The following IL1RAPL2 variants were observed in gnomAD, a reference collection of about 807,000 sequenced individuals.
The protein encoded by IL1RAPL2 is X-linked interleukin-1 receptor accessory protein-like 2.
A neutral mutation model predicts 44.1 loss-of-function variants in IL1RAPL2; 3 were observed. The ratio of observed to expected loss-of-function variants is 0.07; its 90% CI spans 0.03 to 0.18. The LOEUF is 0.18. IL1RAPL2 is among the 10% of genes least tolerant of loss of function. IL1RAPL2 has a pLI of 1.00. For missense variants in IL1RAPL2, 391 were observed against 496.4 expected (o/e 0.79, Z 2.02); for synonymous variants, 181 against 178.8 (o/e 1.01, Z -0.10).
chrX:104,766,763 T>G (rs965540078), intron 2 of IL1RAPL2, among the ~76,000 whole-genome samples: 2 of 112,338 alleles, frequency 1.8e-5, no homozygotes, highest in Non-Finnish European at 3.8e-5. Context: ...TACTGTGCTA[T>G]TAACTACCAA....
At chrX:104,890,739 T>G (rs1923405840) in intron 2 of IL1RAPL2, among the ~76,000 whole-genome samples, 1 of 112,049 alleles carries the variant, frequency 8.9e-6, no homozygotes, top group Admixed American at 9.5e-5. Context: ...TTTATTCCAT[T>G]CTATAGGTTG....
chrX:105,013,483 C>T (rs1265177694), intron 2 of IL1RAPL2, among the ~76,000 whole-genome samples: 1 of 110,031 alleles, frequency 9.1e-6, no homozygotes, highest in Non-Finnish European at 1.9e-5. Context: ...GGTCTTCATA[C>T]TTTCTGCCTA....
chrX:104,620,669 A>AAAG (rs1929374994), intron 1 of IL1RAPL2, among the ~76,000 whole-genome samples: 1 of 102,388 alleles, frequency 9.8e-6, no homozygotes, highest in East Asian at 3.0e-4. Context: ...AAAAAAAAAA[A>AAAG]AGAGATGGTA....
rs36050333 is a variant in IL1RAPL2 at position 104,604,633 on chromosome X, C to CAAAA, written c.-20+37601_-20+37604dup. On this transcript the variant is annotated intron_variant, in intron 1 of 10. Coordinates refer to ENST00000372582, the MANE Select transcript of IL1RAPL2 (RefSeq NM_017416.2). ...GAATATTTACTGAGGAAATGCATAG[C>CAAAA]AAAAAAAAAAAAAAAAAAAAAAGCA... Among the ~76,000 whole-genome samples the CAAAA allele has an allele frequency of 4.1e-3, 128 of 31,025 alleles. 6 individuals are homozygous for CAAAA. The highest frequency in any genetic ancestry group is 0.029 in the Middle Eastern group (1 of 35). 26.9% of individuals were successfully genotyped at this position (31,025 alleles called of 115,157 possible).
At chrX:104,983,372 A>C (rs1300761299) in intron 2 of IL1RAPL2, among the ~76,000 whole-genome samples, 4 of 101,400 alleles carry the variant, frequency 3.9e-5, no homozygotes, top group Non-Finnish European at 3.9e-5. Context: ...TGCTCTCTCT[A>C]TATATAGAAT....
At chrX:105,345,585 A>G (rs2035104852) in intron 5 of IL1RAPL2, among the ~76,000 whole-genome samples, 2 of 111,155 alleles carry the variant, frequency 1.8e-5, no homozygotes, top group Admixed American at 9.6e-5. Context: ...CAGAGACTCA[A>G]TAGCCTATGT....
At chrX:105,256,080 TG>T (rs898889507) in intron 4 of IL1RAPL2, among the ~76,000 whole-genome samples, 14 of 111,706 alleles carry the variant, frequency 1.3e-4, no homozygotes, top group African/African-American at 4.6e-4. Context: ...ATTTCTGCAT[TG>T]AAGTACATCA....
chrX:105,352,431 C>G (rs971465218), intron 5 of IL1RAPL2, among the ~76,000 whole-genome samples: 10 of 111,905 alleles, frequency 8.9e-5, no homozygotes, highest in Admixed American at 3.8e-4. Flanking sequence ...ACTTAAATCC[C>G]AGTATGCATT....
chrX:105,111,619 A>C lies in IL1RAPL2; in HGVS notation c.83-83856A>C, dbSNP rs771604539. Among the ~76,000 whole-genome samples the C allele has an allele frequency of 4.5e-5, 5 of 112,114 alleles. No individual in the cohort carries two copies. The East Asian group carries it at 1.4e-3, about 31-fold the overall frequency. On this transcript the variant is annotated intron_variant, in intron 2 of 10. Transcript: ENST00000372582. ...GACAACAATTCCTCCAGATAAGTTA[A>C]TTATCTGCATTAAAGAATGCCTCAT...
chrX:105,307,176 A>G lies in IL1RAPL2; in HGVS notation c.697+39635A>G, dbSNP rs145743749. Among the ~76,000 whole-genome samples, 464 of 107,618 alleles carry G rather than the reference A, an allele frequency of 4.3e-3. 1 individual carries two copies. Among genetic ancestry groups the G allele is most frequent in the Non-Finnish European group, 7.2e-3 (377 of 52,328 alleles). 93.5% of individuals were successfully genotyped at this position (107,618 alleles called of 115,157 possible). ...CATAATCCAATCACTTCCCTCCCTC[A>G]ACACGTGAGGATTACAATTGTCAAT... On this transcript the variant is annotated intron_variant, in intron 5 of 10. Transcript: ENST00000372582.
intron 2 of IL1RAPL2, among the ~76,000 whole-genome samples, chrX:105,038,954 A>G (rs773186359): frequency 8.1e-4 from 91 of 111,719 alleles, no homozygotes; most frequent in African/African-American, 2.8e-3. Flanking sequence ...GAGAGGACAG[A>G]CAGGTAGTTT....
rs1197765799 is a variant in IL1RAPL2 at position 104,961,068 on chromosome X, A to AT, written c.83-234405dup. Among the ~76,000 whole-genome samples, 3 of 111,787 alleles carry AT rather than the reference A, an allele frequency of 2.7e-5. No homozygotes were observed. In the East Asian group the frequency reaches 8.4e-4, roughly 31 times the overall value. On this transcript the variant is annotated intron_variant, in intron 2 of 10. Coordinates refer to ENST00000372582, the MANE Select transcript of IL1RAPL2 (RefSeq NM_017416.2). ...AAAGGGTGTTGCTCTACAGTAACAG[A>AT]TTAAAAAAAAAGATAATTGGATGAC...
intron 2 of IL1RAPL2, among the ~76,000 whole-genome samples, chrX:104,855,460 G>A (rs1213960744): frequency 9.0e-6 from 1 of 110,876 alleles, no homozygotes; most frequent in Non-Finnish European, 1.9e-5. Context: ...ATTCAAACTG[G>A]GGGAAGCTAG....
intron 6 of IL1RAPL2, among the ~76,000 whole-genome samples, chrX:105,623,117 C>T (rs1646760061): frequency 9.0e-6 from 1 of 110,702 alleles, no homozygotes; most frequent in Non-Finnish European, 1.9e-5. Context: ...TTCTATGTGT[C>T]TTACACATAT....
intron 2 of IL1RAPL2, among the ~76,000 whole-genome samples, chrX:105,106,110 TTTC>T (rs1376871202): frequency 1.8e-5 from 2 of 112,066 alleles, no homozygotes; most frequent in Non-Finnish European, 3.8e-5. Context: ...GTCCCATGAT[TTTC>T]TTCTTAAAAT....
intron 5 of IL1RAPL2, among the ~76,000 whole-genome samples, chrX:105,336,541 G>T (rs1265698042): frequency 8.9e-6 from 1 of 111,964 alleles, no homozygotes; most frequent in Admixed American, 9.5e-5. Flanking sequence ...TGTAGCCTTT[G>T]CTTTCTCTTA....
At chrX:105,357,203 A>G (rs1408357730) in intron 5 of IL1RAPL2, among the ~76,000 whole-genome samples, 1 of 111,300 alleles carries the variant, frequency 9.0e-6, no homozygotes, top group Non-Finnish European at 1.9e-5. Flanking sequence ...ATAAAAAGGA[A>G]ATCATCTCAT....
At chrX:104,784,692 T>A (rs760779712) in intron 2 of IL1RAPL2, among the ~76,000 whole-genome samples, 1 of 109,003 alleles carries the variant, frequency 9.2e-6, no homozygotes. Context: ...TCTTTAAGTA[T>A]GTATGCTGGG....
At chrX:105,487,812 C>A (rs1569446940) in intron 6 of IL1RAPL2, among the ~76,000 whole-genome samples, 1 of 111,787 alleles carries the variant, frequency 8.9e-6, no homozygotes, top group Non-Finnish European at 1.9e-5. Flanking sequence ...AATCATGAGG[C>A]ATTAGAAAAC....
Sources: allele counts gnomAD v4.1 joint callset (sites outside exome capture counted in the v4.1 genomes callset), GRCh38; gene constraint gnomAD v4.1.1; transcripts MANE v1.5; gene names NCBI Gene and HGNC (gene_info 2026-07-23, HGNC 2026-07-21).